Variants in POLA2 observed in about 807,000 individuals in gnomAD.
POLA2 encodes the protein DNA polymerase alpha 2, accessory subunit.
POLA2 carries 47 observed loss-of-function variants against 82.8 expected under a neutral mutation model. That is an observed-to-expected ratio of 0.57 (90% CI 0.45 to 0.72). POLA2 has a LOEUF of 0.72. Ranked by LOEUF, POLA2 falls within the 30% of genes least tolerant of loss-of-function variation. POLA2 has a pLI of 0.00. For missense variants in POLA2, 634 were observed against 728.1 expected, an observed-to-expected ratio of 0.87 and a Z score of 1.49; for synonymous variants, 287 against 286.8, an observed-to-expected ratio of 1.00 and a Z score of -0.01.
intron 10 of POLA2, among the ~76,000 whole-genome samples, chr11:65,284,926 C>A (rs749567885): frequency 5.9e-5 from 9 of 152,160 alleles, no homozygotes; most frequent in Non-Finnish European, 1.3e-4. Context: ...GTAACAGTGG[C>A]CAGAGCCATT....
At chr11:65,280,959 TGTC>T in intron 7 of POLA2, 30 bp from the exon 8 acceptor site, 1 of 1,606,386 alleles carries the variant, frequency 6.2e-7, no homozygotes, top group East Asian at 2.2e-5. Flanking sequence ...CTCCAAAGAC[TGTC>T]ATTCTTATGC....
At chr11:65,271,839 A>G (rs1473560043) in intron 4 of POLA2, among the ~76,000 whole-genome samples, 14 of 94,884 alleles carry the variant, frequency 1.5e-4, no homozygotes, top group African/African-American at 6.3e-4. Flanking sequence ...ACTCCGTCTG[A>G]AAAAAAAAAA....
intron 8 of POLA2, among the ~76,000 whole-genome samples, chr11:65,305,208 C>A (rs889023752): frequency 3.3e-5 from 5 of 152,138 alleles, no homozygotes; most frequent in Non-Finnish European, 7.4e-5. Context: ...TCCCTCCAGG[C>A]CCCCCTCTCC....
chr11:65,299,880 C>T (rs957486628), downstream of POLA2, among the ~76,000 whole-genome samples: 1 of 152,054 alleles, frequency 6.6e-6, no homozygotes, highest in African/African-American at 2.4e-5. Context: ...TCAGTAGAGA[C>T]GGGGTTTCGC....
intron 10 of POLA2, among the ~76,000 whole-genome samples, chr11:65,283,176 C>G (rs1248959064): frequency 1.3e-5 from 2 of 152,164 alleles, no homozygotes; most frequent in Non-Finnish European, 1.5e-5. Context: ...TATAATGTGG[C>G]ATCCTGGATT....
chr11:65,297,441 C>A lies in POLA2; in HGVS notation c.*172C>A. On this transcript the variant is annotated 3_prime_UTR_variant, in exon 18 of 18. Coordinates refer to ENST00000265465, the MANE Select transcript of POLA2 (RefSeq NM_002689.4). ...GCAGGGAGGACTTGTGCAGCCGGGC[C>A]TGCCTCTGAGTGGTGCCTCTCCTGG... 1.5e-6 allele frequency: 1 copy of A among 666,216 alleles called. No homozygotes were observed. Among genetic ancestry groups the A allele is most frequent in the Non-Finnish European group, 2.3e-6 (1 of 434,112 alleles). 41.3% of individuals were successfully genotyped at this position (666,216 alleles called of 1,614,324 possible).
At chr11:65,305,661 A>G (rs1366292407), downstream of POLA2, 2 of 294,970 alleles carry the variant, frequency 6.8e-6, no homozygotes, top group Non-Finnish European at 1.3e-5. Context: ...AGCCTGGGTG[A>G]CAGAGCAGGA....
At chr11:65,267,092 G>C (rs1034259938) in intron 2 of POLA2, among the ~76,000 whole-genome samples, 10 of 152,108 alleles carry the variant, frequency 6.6e-5, no homozygotes, top group Non-Finnish European at 1.3e-4. Context: ...TGTAATCCCA[G>C]GTACTCGGAA....
chr11:65,282,975 A>T (rs749672643), intron 10 of POLA2, among the ~76,000 whole-genome samples: 39 of 151,974 alleles, frequency 2.6e-4, no homozygotes, highest in Non-Finnish European at 4.7e-4. Context: ...CTAAAAATTA[A>T]AAAAAATATT....
intron 1 of POLA2, 119 bp downstream of exon 1, chr11:65,262,490 C>T: frequency 2.7e-6 from 2 of 748,998 alleles, no homozygotes; most frequent in Middle Eastern, 2.4e-4. Context: ...GCAGAGTTCT[C>T]GGTGGCTGTG....
At chr11:65,300,686 G>A (rs563246930), downstream of POLA2, among the ~76,000 whole-genome samples, 7 of 152,112 alleles carry the variant, frequency 4.6e-5, no homozygotes, top group Non-Finnish European at 8.8e-5. Flanking sequence ...GGGTTCAAAC[G>A]ATTCTCCTGC....
intron 1 of POLA2, chr11:65,266,379 G>T: frequency 3.6e-6 from 2 of 556,282 alleles, no homozygotes; most frequent in Non-Finnish European, 6.4e-6. Context: ...CCCTGATTCT[G>T]CCCTTATCCT....
downstream of POLA2, among the ~76,000 whole-genome samples, chr11:65,301,767 C>CA (rs1337136703): frequency 1.3e-5 from 2 of 152,110 alleles, no homozygotes; most frequent in African/African-American, 4.8e-5. Context: ...CTAAAGAGAC[C>CA]AGAAGACACC....
intron 4 of POLA2, among the ~76,000 whole-genome samples, chr11:65,272,699 T>G (rs1475564653): frequency 6.6e-6 from 1 of 152,144 alleles, no homozygotes; most frequent in African/African-American, 2.4e-5. Flanking sequence ...GTACCATTGG[T>G]GACTACATTT....
At chr11:65,284,527 T>C (rs1336951455) in intron 10 of POLA2, among the ~76,000 whole-genome samples, 1 of 151,362 alleles carries the variant, frequency 6.6e-6, no homozygotes, top group East Asian at 1.9e-4. Flanking sequence ...CATTGTTTTT[T>C]TTTTCTTTTT....
Position 65,294,216 on chromosome 11 carries a change from C to G in POLA2, c.1308C>G (p.Pro436=), listed in dbSNP as rs1466617682. The change falls in exon 14 of 18, where the codon CCC becomes CCG. Residue 436 remains proline, a synonymous_variant. Coordinates refer to ENST00000265465, the MANE Select transcript of POLA2 (RefSeq NM_002689.4). ...LRDVHHEPVY[P]QPPFSYSDLS... ...ATGTGCACCATGAGCCTGTGTACCCCCAGCCGCCTTTCAGCTACTCCGATC... is the reference window on the plus strand; with the variant it reads ...ATGTGCACCATGAGCCTGTGTACCCGCAGCCGCCTTTCAGCTACTCCGATC... The G allele has an allele frequency of 1.2e-6, 2 of 1,614,132 alleles. No homozygotes were observed. Among genetic ancestry groups the G allele is most frequent in the South Asian group, 1.1e-5 (1 of 91,080 alleles).
At chr11:65,295,018 G>T (rs1949794989) in intron 15 of POLA2, among the ~76,000 whole-genome samples, 1 of 152,136 alleles carries the variant, frequency 6.6e-6, no homozygotes, top group African/African-American at 2.4e-5. Context: ...GGATAAACTG[G>T]GAATTTTCTC....
chr11:65,291,045 C>A (rs2137576958), intron 13 of POLA2, among the ~76,000 whole-genome samples: 1 of 152,318 alleles, frequency 6.6e-6, no homozygotes, highest in Admixed American at 6.5e-5. Flanking sequence ...AGAGGAAAGT[C>A]ACTGTTCCAG....
chr11:65,281,594 A>T, intron 8 of POLA2, 76 bp from the exon 9 acceptor site: 1 of 1,069,834 alleles, frequency 9.3e-7, no homozygotes, highest in Non-Finnish European at 1.5e-6. Flanking sequence ...CAATGCTTTT[A>T]ACTGCCTCAA....
Sources: allele counts gnomAD v4.1 joint callset (sites outside exome capture counted in the v4.1 genomes callset), GRCh38; gene constraint gnomAD v4.1.1; transcripts MANE v1.5; gene names NCBI Gene and HGNC (gene_info 2026-07-23, HGNC 2026-07-21).